The following LRMDA variants were observed in gnomAD, a reference collection of about 807,000 sequenced individuals.
LRMDA encodes leucine rich melanocyte differentiation associated, also known as leucine-rich melanocyte differentiation-associated protein.
Under a neutral mutation model 29.8 loss-of-function variants are expected in LRMDA, and 18 were observed. That is an observed-to-expected ratio of 0.60 (90% confidence interval 0.42 to 0.90). The LOEUF is 0.90. LRMDA is among the 40% of genes least tolerant of loss of function. LRMDA has a pLI of 0.00. For synonymous variants in LRMDA, 125 were observed against 109.4 expected (o/e 1.14, Z -0.89); for missense variants, 273 against 273.9 (o/e 1.00, Z 0.02).
At chr10:76,081,690 CTG>C (rs990023737) in intron 5 of LRMDA, among the ~76,000 whole-genome samples, 1 of 152,080 alleles carries the variant, frequency 6.6e-6, no homozygotes, top group African/African-American at 2.4e-5. Context: ...AGGGACTAAA[CTG>C]AGTAAAACTT....
intron 2 of LRMDA, among the ~76,000 whole-genome samples, chr10:75,902,179 C>A (rs1023585818): frequency 1.3e-5 from 2 of 152,156 alleles, no homozygotes; most frequent in African/African-American, 2.4e-5. Flanking sequence ...CTTTGGCTAC[C>A]CCTTGGCCTT....
chr10:76,153,197 C>G, intron 5 of LRMDA, among the ~76,000 whole-genome samples: 1 of 152,044 alleles, frequency 6.6e-6, no homozygotes, highest in East Asian at 1.9e-4. Context: ...TACAAGAGTT[C>G]TTTATATATT....
intron 2 of LRMDA, among the ~76,000 whole-genome samples, chr10:75,711,882 T>C (rs926587114): frequency 6.6e-6 from 1 of 152,076 alleles, no homozygotes; most frequent in Non-Finnish European, 1.5e-5. Flanking sequence ...TCATGTAGTA[T>C]GTTTCTCCCA....
intron 5 of LRMDA, among the ~76,000 whole-genome samples, chr10:76,193,095 A>C (rs994467052): frequency 3.3e-5 from 5 of 152,158 alleles, no homozygotes; most frequent in African/African-American, 1.2e-4. Context: ...GGTTGCATAA[A>C]TATTTAGTTA....
chr10:76,525,511 T>A (rs893336692), intron 6 of LRMDA, among the ~76,000 whole-genome samples: 2 of 152,090 alleles, frequency 1.3e-5, no homozygotes, highest in African/African-American at 4.8e-5. Context: ...AGCTCCACAG[T>A]AGGGGGTAGG....
intron 2 of LRMDA, among the ~76,000 whole-genome samples, chr10:75,955,155 T>C (rs1171055834): frequency 6.6e-6 from 1 of 152,216 alleles, no homozygotes; most frequent in Non-Finnish European, 1.5e-5. Flanking sequence ...TCTTGTAAGA[T>C]AGGGATATTT....
intron 6 of LRMDA, among the ~76,000 whole-genome samples, chr10:76,414,191 C>T (rs1305303882): frequency 6.6e-6 from 1 of 152,168 alleles, no homozygotes; most frequent in Non-Finnish European, 1.5e-5. Flanking sequence ...TTACCTCTGA[C>T]TTAACAGTGT....
intron 2 of LRMDA, among the ~76,000 whole-genome samples, chr10:76,001,181 C>T (rs775551903): frequency 3.3e-5 from 5 of 152,272 alleles, no homozygotes; most frequent in Admixed American, 6.5e-5. Context: ...TTATGGCTTC[C>T]GGTTCCCCTG....
chr10:76,026,797 A>G (rs536233591), intron 2 of LRMDA, among the ~76,000 whole-genome samples: 1 of 152,186 alleles, frequency 6.6e-6, no homozygotes, highest in Non-Finnish European at 1.5e-5. Context: ...TCAGATAACC[A>G]TAGTATCTGG....
At chr10:75,574,765 G>A (rs1002630838) in intron 2 of LRMDA, among the ~76,000 whole-genome samples, 7 of 152,158 alleles carry the variant, frequency 4.6e-5, no homozygotes, top group African/African-American at 1.7e-4. Context: ...GTTTCTTCCA[G>A]GACTTCCAGA....
chr10:75,973,841 A>C (rs1847024766), intron 2 of LRMDA, among the ~76,000 whole-genome samples: 1 of 152,102 alleles, frequency 6.6e-6, no homozygotes, highest in Non-Finnish European at 1.5e-5. Context: ...GAGAAAGGCC[A>C]CCTGAACTCA....
chr10:76,140,463 G>T (rs1404218986), intron 5 of LRMDA, among the ~76,000 whole-genome samples: 2 of 152,036 alleles, frequency 1.3e-5, no homozygotes, highest in Non-Finnish European at 2.9e-5. Flanking sequence ...ATTTCAAGAT[G>T]GTATTTAAGC....
chr10:76,189,691 A>T lies in LRMDA; in HGVS notation c.516+130908A>T, dbSNP rs139417817. Reference sequence around the variant, plus strand: ...TTTAACATATTTCAAAATTAAGTTCAAATTAATTTAAATGTCCCACAGTGT... The same window carrying T: ...TTTAACATATTTCAAAATTAAGTTCTAATTAATTTAAATGTCCCACAGTGT... On this transcript the variant is annotated intron_variant, in intron 5 of 6. Coordinates refer to ENST00000611255, the MANE Select transcript of LRMDA (RefSeq NM_001305581.2). Among the ~76,000 whole-genome samples the T allele has an allele frequency of 3.0e-4, 46 of 152,324 alleles. No individual in the cohort carries two copies. In the East Asian group the frequency reaches 8.7e-3, roughly 29 times the overall value.
chr10:76,083,401 C>T (rs1849078734), intron 5 of LRMDA, among the ~76,000 whole-genome samples: 1 of 152,198 alleles, frequency 6.6e-6, no homozygotes, highest in South Asian at 2.1e-4. Flanking sequence ...CAGATGCTTC[C>T]ATGTGGGGCC....
chr10:76,340,022 A>G (rs967124358), intron 6 of LRMDA, among the ~76,000 whole-genome samples: 2 of 152,180 alleles, frequency 1.3e-5, no homozygotes, highest in Non-Finnish European at 2.9e-5. Flanking sequence ...CTCTTTTTCA[A>G]ATATGAATAA....
chr10:75,845,088 CTT>C (rs1245124898), intron 2 of LRMDA, among the ~76,000 whole-genome samples: 1 of 151,704 alleles, frequency 6.6e-6, no homozygotes, highest in African/African-American at 2.4e-5. Flanking sequence ...TTGAATATAA[CTT>C]AAATGTGTAA....
At chr10:76,346,697 C>T (rs184802859) in intron 6 of LRMDA, 2 of 152,064 alleles carry the variant, frequency 1.3e-5, no homozygotes, top group African/African-American at 2.4e-5. Flanking sequence ...TCATTTAATC[C>T]GGGAAACATC....
At chr10:75,455,044 A>G (rs1196144564) in intron 2 of LRMDA, among the ~76,000 whole-genome samples, 2 of 152,172 alleles carry the variant, frequency 1.3e-5, no homozygotes, top group African/African-American at 4.8e-5. Context: ...GTTTTGGAGG[A>G]TGCCAGTAGG....
At chr10:76,513,208 G>A (rs1420625663) in intron 6 of LRMDA, among the ~76,000 whole-genome samples, 1 of 152,224 alleles carries the variant, frequency 6.6e-6, no homozygotes, top group Non-Finnish European at 1.5e-5. Flanking sequence ...CACAGAATTA[G>A]TTAAGACCAT....
Sources: allele counts gnomAD v4.1 joint callset (sites outside exome capture counted in the v4.1 genomes callset), GRCh38; gene constraint gnomAD v4.1.1; transcripts MANE v1.5; gene names NCBI Gene and HGNC (gene_info 2026-07-23, HGNC 2026-07-21).